Variants in TMEM178B observed in about 807,000 individuals in gnomAD.
TMEM178B encodes transmembrane protein 178B.
Under a neutral mutation model 31.0 loss-of-function variants are expected in TMEM178B, and 5 were observed. The ratio of observed to expected loss-of-function variants is 0.16; its 90% CI spans 0.08 to 0.34. The LOEUF (loss-of-function observed/expected upper bound fraction) is 0.34, where lower values mean the gene tolerates loss of function less well. TMEM178B is among the 10% of genes least tolerant of loss of function. The pLI, the probability that TMEM178B is intolerant of heterozygous loss-of-function variation, is 1.00. For synonymous variants in TMEM178B, 164 were observed against 164.0 expected (o/e 1.00, Z 0.00); for missense variants, 275 against 400.3 (o/e 0.69, Z 2.67).
chr7:141,196,614 C>T (rs977491040), intron 1 of TMEM178B, among the ~76,000 whole-genome samples: 3 of 152,172 alleles, frequency 2.0e-5, no homozygotes, highest in African/African-American at 7.2e-5. Flanking sequence ...GGTTAGGGGA[C>T]ACTTGTTTAA....
chr7:141,213,160 C>CTGGG (rs1437227846), intron 2 of TMEM178B, among the ~76,000 whole-genome samples: 2 of 152,158 alleles, frequency 1.3e-5, no homozygotes, highest in Non-Finnish European at 2.9e-5. Context: ...AGATTTGCAT[C>CTGGG]TGGGTGGGTC....
chr7:141,251,840 C>T (rs1028494713), intron 2 of TMEM178B, among the ~76,000 whole-genome samples: 22 of 152,110 alleles, frequency 1.4e-4, no homozygotes, highest in African/African-American at 5.1e-4. Context: ...GAGCTTTTCA[C>T]CTGGGGATTT....
intron 1 of TMEM178B, among the ~76,000 whole-genome samples, chr7:141,081,321 A>G (rs540147110): frequency 8.5e-5 from 13 of 152,264 alleles, no homozygotes; most frequent in African/African-American, 2.9e-4. Flanking sequence ...TATAAACAGA[A>G]AAAAGCTTAT....
the TMEM178B span, among the ~76,000 whole-genome samples, chr7:141,498,850 C>T: frequency 6.6e-6 from 1 of 152,134 alleles, no homozygotes; most frequent in African/African-American, 2.4e-5. Context: ...GTACTATAGT[C>T]TCAAAGTCAC....
chr7:141,374,737 CT>C (rs1293784905), intron 2 of TMEM178B, among the ~76,000 whole-genome samples: 1 of 152,188 alleles, frequency 6.6e-6, no homozygotes, highest in African/African-American at 2.4e-5. Flanking sequence ...CCGGTGTTTA[CT>C]TTTGTAGGCA....
chr7:141,216,175 T>G (rs971649261), intron 2 of TMEM178B, among the ~76,000 whole-genome samples: 5 of 152,096 alleles, frequency 3.3e-5, no homozygotes, highest in African/African-American at 1.2e-4. Flanking sequence ...GGCCTCATCA[T>G]CAACCATTGA....
In TMEM178B at chr7:141,344,630, CCCTT is replaced by C. The variant is rs1799586994; in HGVS notation, c.497-92972_497-92969del. 8.1e-6 allele frequency among the ~76,000 whole-genome samples: 1 copy of C among 123,486 alleles called. No homozygotes were observed. The highest frequency in any genetic ancestry group is 8.2e-5 in the Admixed American group (1 of 12,210). 81.0% of individuals were successfully genotyped at this position (123,486 alleles called of 152,430 possible). On this transcript the variant is annotated intron_variant, in intron 2 of 3. Transcript: ENST00000565468. The surrounding 1 kb of genome is among the most constrained non-coding windows in gnomAD (Gnocchi z 4.1). ...TTCCTTCCTTCCTTCCTTCCTTCCT[CCCTT>C]CCTTCTTCCCTTCATCAAAAGACCT...
At chr7:141,290,787 C>T (rs111640548) in intron 2 of TMEM178B, among the ~76,000 whole-genome samples, 4 of 152,340 alleles carry the variant, frequency 2.6e-5, no homozygotes, top group African/African-American at 7.2e-5. Flanking sequence ...TATGACTTAT[C>T]TTCTGGGTAG....
At chr7:141,392,688 T>G (rs1158240749) in intron 2 of TMEM178B, among the ~76,000 whole-genome samples, 4 of 152,062 alleles carry the variant, frequency 2.6e-5, no homozygotes, top group African/African-American at 9.7e-5. Flanking sequence ...TAACCAAGGA[T>G]CGCACATGGC....
At chr7:141,337,647 A>T (rs140305594) in intron 2 of TMEM178B, among the ~76,000 whole-genome samples, 1 of 152,306 alleles carries the variant, frequency 6.6e-6, no homozygotes, top group African/African-American at 2.4e-5. Context: ...TTTTGGCTAC[A>T]TCTTTCAGGA....
In TMEM178B at chr7:141,203,340, T is replaced by C. The variant is rs187001129; in HGVS notation, c.383-9251T>C. Among the ~76,000 whole-genome samples the C allele has an allele frequency of 7.9e-5, 12 of 152,182 alleles. No homozygotes were observed. The East Asian group carries it at 2.1e-3, about 27-fold the overall frequency. ...AGAAAGTCTAAGAACTGTCAGCCCA[T>C]TGGGTGAGACAGCGTCAAGTCCTAA... On this transcript the variant is annotated intron_variant, in intron 1 of 3. Transcript: ENST00000565468.
intron 2 of TMEM178B, among the ~76,000 whole-genome samples, chr7:141,296,766 G>A (rs1409051810): frequency 6.6e-6 from 1 of 152,206 alleles, no homozygotes; most frequent in Non-Finnish European, 1.5e-5. Context: ...AGAATTTTAA[G>A]TCTGTTTAGG....
intron 2 of TMEM178B, among the ~76,000 whole-genome samples, chr7:141,427,843 C>T (rs1208625472): frequency 6.6e-6 from 1 of 152,146 alleles, no homozygotes; most frequent in Non-Finnish European, 1.5e-5. Flanking sequence ...AGAAACTAAA[C>T]AACCCAATAA....
At chr7:141,221,042 A>C (rs1304045176) in intron 2 of TMEM178B, among the ~76,000 whole-genome samples, 1 of 152,168 alleles carries the variant, frequency 6.6e-6, no homozygotes, top group Non-Finnish European at 1.5e-5. Context: ...TGACATGTAC[A>C]CTTCATGGGT....
intron 1 of TMEM178B, among the ~76,000 whole-genome samples, chr7:141,192,378 G>A (rs1482383470): frequency 6.6e-6 from 1 of 152,130 alleles, no homozygotes; most frequent in Non-Finnish European, 1.5e-5. Context: ...AGAGGTGGGG[G>A]TGGCTGGTCC....
intron 2 of TMEM178B, among the ~76,000 whole-genome samples, chr7:141,222,537 G>T (rs1347783497): frequency 2.0e-5 from 3 of 152,218 alleles, no homozygotes; most frequent in African/African-American, 7.2e-5. Flanking sequence ...CTCTGAGTAA[G>T]TTTGCAAAGT....
chr7:141,229,534 T>A (rs1212379202), intron 2 of TMEM178B, among the ~76,000 whole-genome samples: 1 of 152,134 alleles, frequency 6.6e-6, no homozygotes, highest in Non-Finnish European at 1.5e-5. Flanking sequence ...TTATTTCTCC[T>A]GATCATTAAG....
Position 141,106,376 on chromosome 7 carries a change from CATAG to C in TMEM178B, c.382+31688_382+31691del, listed in dbSNP as rs1232526210. Among the ~76,000 whole-genome samples the C allele has an allele frequency of 3.3e-5, 5 of 152,302 alleles. No individual in the cohort carries two copies. In the East Asian group the frequency reaches 7.7e-4, roughly 24 times the overall value. On this transcript the variant is annotated intron_variant, in intron 1 of 3. Transcript: ENST00000565468. ...TTAACAGTATTTGTATATTAAAACA[CATAG>C]ATATATTACAGAGAGGAACATAAAA...
chr7:141,447,618 G>A (rs769579005), intron 3 of TMEM178B, among the ~76,000 whole-genome samples: 12 of 151,760 alleles, frequency 7.9e-5, no homozygotes, highest in South Asian at 2.1e-4. Flanking sequence ...ATTTGATACC[G>A]TGTGACTTTT....
Sources: allele counts gnomAD v4.1 joint callset (sites outside exome capture counted in the v4.1 genomes callset), GRCh38; gene constraint gnomAD v4.1.1; non-coding constraint Gnocchi (gnomAD v3.1); transcripts MANE v1.5; gene names NCBI Gene and HGNC (gene_info 2026-07-23, HGNC 2026-07-21).